Variants in PTF1A observed in about 807,000 individuals in gnomAD.
The protein encoded by PTF1A is pancreas transcription factor 1 subunit alpha.
PTF1A carries 18 observed loss-of-function variants against 22.6 expected under a neutral mutation model. The ratio of observed to expected loss-of-function variants is 0.80; its 90% CI spans 0.55 to 1.18. The LOEUF (loss-of-function observed/expected upper bound fraction) is 1.18, where lower values mean the gene tolerates loss of function less well. Among genes scored for constraint, PTF1A ranks in the 50% most tolerant of loss-of-function variants. PTF1A has a pLI of 0.00. For synonymous variants in PTF1A, 259 were observed against 227.9 expected (o/e 1.14, Z -1.23); for missense variants, 477 against 473.0 (o/e 1.01, Z -0.08).
chr10:23,193,439 C>A, intron 1 of PTF1A, 125 bp downstream of exon 1: 13 of 893,544 alleles, frequency 1.5e-5, no homozygotes, highest in South Asian at 2.0e-5. Context: ...CACGGAAAAA[C>A]TTGAATGCGA....
chr10:23,192,437 G>T lies in PTF1A; in HGVS notation c.-94G>T. The T allele has an allele frequency of 6.5e-7, 1 of 1,536,854 alleles. No homozygotes were observed. The highest frequency in any genetic ancestry group is 2.5e-5 in the East Asian group (1 of 39,310). ...GGCCGCCTAGCTGCCCCCAGCCAGG[G>T]CCCCGGGAGGGAGGGGCTCGGACGG... On this transcript the variant is annotated 5_prime_UTR_variant, in exon 1 of 2. Coordinates refer to ENST00000376504, the MANE Select transcript of PTF1A (RefSeq NM_178161.3).
At position 23,193,054 on chromosome 10, in the gene PTF1A, G is replaced by A. The variant is rs1465898216; in HGVS notation, c.524G>A (p.Arg175His). 7.4e-7 allele frequency: 1 copy of A among 1,352,670 alleles called. No individual in the cohort carries two copies. Among genetic ancestry groups the A allele is most frequent in the Non-Finnish European group, 9.6e-7 (1 of 1,039,828 alleles). The allele number at this position is 1,352,670 out of a possible 1,614,324, so 83.8% of individuals were successfully genotyped here. The change falls in exon 1 of 2, where the codon CGC (arginine) becomes CAC (histidine). Residue 175 changes from arginine (R) to histidine (H), a missense_variant. Transcript: ENST00000376504. ...RQAANVRERR[R>H]MQSINDAFEG... ...GCGGCCAACGTGCGCGAGCGGCGGC[G>A]CATGCAGTCCATCAACGACGCCTTC...
At position 23,192,502 on chromosome 10, in the gene PTF1A, C is replaced by G; in HGVS notation, c.-29C>G. On this transcript the variant is annotated 5_prime_UTR_variant, in exon 1 of 2. Coordinates refer to ENST00000376504, the MANE Select transcript of PTF1A (RefSeq NM_178161.3). ...CCAAGAACTAACACGCGCAGCCCGG[C>G]AGTCCCGCTGCCCACTGCGGCGGCG... is the stretch of plus-strand genomic sequence containing the variant. The G allele has an allele frequency of 6.3e-7, 1 of 1,594,444 alleles. No individual in the cohort carries two copies. The highest frequency in any genetic ancestry group is 1.1e-5 in the South Asian group (1 of 90,366).
intron 1 of PTF1A, 134 bp downstream of exon 1, chr10:23,193,448 G>A (rs1435628214): frequency 7.9e-5 from 70 of 881,904 alleles, no homozygotes; most frequent in Non-Finnish European, 1.1e-4. Flanking sequence ...ACTTGAATGC[G>A]AGCTCGCGTT....
chr10:23,193,194 G>T lies in PTF1A; in HGVS notation c.664G>T (p.Asp222Tyr), dbSNP rs1456962322. Residue 222 changes from aspartate to tyrosine, a missense_variant, in exon 1 of 2, where the codon GAC (aspartate) becomes TAC (tyrosine). By Grantham distance (160) the Asp-to-Tyr change is radical. Coordinates refer to ENST00000376504, the MANE Select transcript of PTF1A (RefSeq NM_178161.3). ...CTTCCTCAGCGAGCTCGTGCAGGCC[G>T]ACCTGCCCTTGCGCGGCGGTGGCGC... The part of the protein sequence containing the change: ...INFLSELVQA[D>Y]LPLRGGGAGG... 2.2e-6 allele frequency: 3 copies of T among 1,355,204 alleles called. No homozygotes were observed. Among genetic ancestry groups the T allele is most frequent in the Admixed American group, 5.1e-5 (2 of 39,580 alleles). The allele number at this position is 1,355,204 out of a possible 1,614,324, so 83.9% of individuals were successfully genotyped here. A position where few individuals can be genotyped will look rare whatever the true frequency, so the allele number is the denominator to read the frequency against.
At position 23,192,755 on chromosome 10, in the gene PTF1A, G is replaced by A; in HGVS notation, c.225G>A (p.Pro75=). 4 of 1,430,726 alleles carry A rather than the reference G, an allele frequency of 2.8e-6. No homozygotes were observed. The highest frequency in any genetic ancestry group is 3.7e-6 in the Non-Finnish European group (4 of 1,091,720). The allele number at this position is 1,430,726 out of a possible 1,614,324, so 88.6% of individuals were successfully genotyped here. The change falls in exon 1 of 2, where the codon CCG becomes CCA. Residue 75 remains proline, a synonymous_variant. Coordinates refer to ENST00000376504, the MANE Select transcript of PTF1A (RefSeq NM_178161.3). ...GCCTGCTGCTGCAGCCCGCGCCCCC[G>A]GCCGCCCCGCTAGCGCTCGCCCCGC... is the stretch of plus-strand genomic sequence containing the variant. ...GACLLLQPAP[P]AAPLALAPPS...
At chr10:23,193,411 C>G (rs971260794) in intron 1 of PTF1A, 97 bp downstream of exon 1, 49 of 1,219,420 alleles carry the variant, frequency 4.0e-5, no homozygotes, top group Admixed American at 3.0e-4. Flanking sequence ...ACAGTCGGAC[C>G]GACGGATTGT....
At position 23,193,090 on chromosome 10, in the gene PTF1A, G is replaced by T. The variant is rs1840914561; in HGVS notation, c.560G>T (p.Arg187Leu). 1 of 1,420,350 alleles carries T rather than the reference G, an allele frequency of 7.0e-7. No homozygotes were observed. The highest frequency in any genetic ancestry group is 9.3e-7 in the Non-Finnish European group (1 of 1,078,674). The allele number at this position is 1,420,350 out of a possible 1,614,324, so 88.0% of individuals were successfully genotyped here. Residue 187 changes from arginine (R) to leucine (L), a missense_variant, in exon 1 of 2, where the codon CGC (arginine) becomes CTC (leucine). Arg to Leu is a moderately radical substitution (Grantham distance 102). Transcript: ENST00000376504. ...ATCAACGACGCCTTCGAGGGGCTGC[G>T]CTCGCACATCCCCACGCTGCCCTAC... is the stretch of plus-strand genomic sequence containing the variant. ...QSINDAFEGL[R>L]SHIPTLPYEK... is the part of the protein sequence containing the mutation.
At chr10:23,193,522 C>G (rs1243370843) in intron 1 of PTF1A, 182 bp from the exon 2 acceptor site, 84 of 717,162 alleles carry the variant, frequency 1.2e-4, no homozygotes, top group Non-Finnish European at 1.4e-5. Flanking sequence ...GGGCGCGCGT[C>G]CCCGCCAGAC....
At chr10:23,193,461 T>C in intron 1 of PTF1A, 147 bp downstream of exon 1, 2 of 769,308 alleles carry the variant, frequency 2.6e-6, no homozygotes, top group Non-Finnish European at 1.9e-6. Flanking sequence ...CTCGCGTTTC[T>C]CGTTTTTTTT....
chr10:23,193,753 A>G lies in PTF1A; in HGVS notation c.834A>G (p.Gly278=). 6.2e-7 allele frequency: 1 copy of G among 1,613,630 alleles called. No individual in the cohort carries two copies. The highest frequency in any genetic ancestry group is 8.5e-7 in the Non-Finnish European group (1 of 1,179,698). Reference sequence around the variant, plus strand: ...ATTATGGCCTCCCTCCCCTAGCAGGACACTCTCTCTCATGGACTGATGAAA... The same window carrying G: ...ATTATGGCCTCCCTCCCCTAGCAGGGCACTCTCTCTCATGGACTGATGAAA... ...DPDYGLPPLA[G]HSLSWTDEKQ... The change falls in exon 2 of 2, where the codon GGA becomes GGG. Residue 278 remains glycine, a synonymous_variant. Transcript: ENST00000376504.
rs1840898892 is a variant in PTF1A, at chr10:23,192,425, C to A, written c.-106C>A. On this transcript the variant is annotated 5_prime_UTR_variant, in exon 1 of 2. Coordinates refer to ENST00000376504, the MANE Select transcript of PTF1A (RefSeq NM_178161.3). ...GGGCAGCCCGGCGGCCGCCTAGCTG[C>A]CCCCAGCCAGGGCCCCGGGAGGGAG... The A allele has an allele frequency of 6.7e-7, 1 of 1,493,844 alleles. No individual in the cohort carries two copies. The highest frequency in any genetic ancestry group is 8.9e-7 in the Non-Finnish European group (1 of 1,119,066). 92.5% of individuals were successfully genotyped at this position (1,493,844 alleles called of 1,614,324 possible).
Position 23,193,988 on chromosome 10 carries a change from A to T in PTF1A, c.*82A>T. 1.7e-6 allele frequency: 2 copies of T among 1,203,524 alleles called. No individual in the cohort carries two copies. The highest frequency in any genetic ancestry group is 2.5e-6 in the Non-Finnish European group (2 of 811,136). 74.6% of individuals were successfully genotyped at this position (1,203,524 alleles called of 1,614,324 possible). On this transcript the variant is annotated 3_prime_UTR_variant, in exon 2 of 2. Transcript: ENST00000376504. ...AATATCTATAATGTAAATGTAATTTAAGAATCAAATTTTTCGAATGGCAAT... is the reference window on the plus strand; with the variant it reads ...AATATCTATAATGTAAATGTAATTTTAGAATCAAATTTTTCGAATGGCAAT...
Position 23,193,959 on chromosome 10 carries a change from T to C in PTF1A, c.*53T>C. Reference sequence around the variant, plus strand: ...ATTATGTCTCTGTGCATATTGTACATGTAAATATCTATAATGTAAATGTAA... The same window carrying C: ...ATTATGTCTCTGTGCATATTGTACACGTAAATATCTATAATGTAAATGTAA... On this transcript the variant is annotated 3_prime_UTR_variant, in exon 2 of 2. Coordinates refer to ENST00000376504, the MANE Select transcript of PTF1A (RefSeq NM_178161.3). The C allele has an allele frequency of 7.6e-7, 1 of 1,318,112 alleles. No homozygotes were observed. The highest frequency in any genetic ancestry group is 1.2e-5 in the South Asian group (1 of 85,058). 81.7% of individuals were successfully genotyped at this position (1,318,112 alleles called of 1,614,324 possible). A position where few individuals can be genotyped will look rare whatever the true frequency, so the allele number is the denominator to read the frequency against.
chr10:23,193,555 G>A (rs1385330981), intron 1 of PTF1A, 149 bp from the exon 2 acceptor site: 2 of 804,922 alleles, frequency 2.5e-6, no homozygotes, highest in African/African-American at 3.4e-5. Flanking sequence ...GGATTCCTGG[G>A]AGGGGACGGT....
chr10:23,192,707 G>A lies in PTF1A; in HGVS notation c.177G>A (p.Glu59=), dbSNP rs1840906989. ...AGTTCCTTAGCCACCAGCTCCACGA[G>A]TACTGCTACCGCGACGGGGCGTGCC... ...EVEFLSHQLH[E]YCYRDGACLL... The change falls in exon 1 of 2, where the codon GAG becomes GAA. Residue 59 remains glutamate (E), a synonymous_variant. Transcript: ENST00000376504. The A allele has an allele frequency of 1.3e-6, 2 of 1,574,816 alleles. No individual in the cohort carries two copies. The highest frequency in any genetic ancestry group is 2.8e-5 in the African/African-American group (2 of 71,924).
Position 23,192,621 on chromosome 10 carries a change from T to C in PTF1A, c.91T>C (p.Ser31Pro), listed in dbSNP as rs1840902757. 1.2e-6 allele frequency: 2 copies of C among 1,602,696 alleles called. No individual in the cohort carries two copies. The highest frequency in any genetic ancestry group is 1.7e-5 in the Admixed American group (1 of 59,188). ...CGAGGACGACTTCTTCACCGACCAGTCTTCACGGGACCCCCTGGAGGACGG... is the reference window on the plus strand; with the variant it reads ...CGAGGACGACTTCTTCACCGACCAGCCTTCACGGGACCCCCTGGAGGACGG... ...FDEDDFFTDQ[S>P]SRDPLEDGDE... The change falls in exon 1 of 2, where the codon TCT becomes CCT. Residue 31 changes from serine (S) to proline (P), a missense_variant. By Grantham distance (74) the Ser-to-Pro change is moderately conservative. Transcript: ENST00000376504.
chr10:23,192,868 A>C lies in PTF1A; in HGVS notation c.338A>C (p.Tyr113Ser). ...ETGAPPGGFPYSPGSPPSCLA... is the reference protein window; with the variant it reads ...ETGAPPGGFPSSPGSPPSCLA... ...GGGGCGCCCCCAGGCGGCTTCCCCTACTCGCCCGGCTCGCCGCCCTCGTGC... is the reference window on the plus strand; with the variant it reads ...GGGGCGCCCCCAGGCGGCTTCCCCTCCTCGCCCGGCTCGCCGCCCTCGTGC... The change falls in exon 1 of 2, where the codon TAC becomes TCC. Residue 113 changes from tyrosine (Y) to serine (S), a missense_variant. Transcript: ENST00000376504. 1 of 1,316,120 alleles carries C rather than the reference A, an allele frequency of 7.6e-7. No individual in the cohort carries two copies. The highest frequency in any genetic ancestry group is 2.2e-5 in the South Asian group (1 of 45,116). The allele number at this position is 1,316,120 out of a possible 1,614,324, so 81.5% of individuals were successfully genotyped here.
In PTF1A at chr10:23,192,983, C is replaced by CCGG. The variant is rs1840912720; in HGVS notation, c.460_462dup (p.Arg154dup). 8.8e-7 allele frequency: 1 copy of CCGG among 1,134,700 alleles called. No individual in the cohort carries two copies. The highest frequency in any genetic ancestry group is 4.9e-5 in the Admixed American group (1 of 20,398). 70.3% of individuals were successfully genotyped at this position (1,134,700 alleles called of 1,614,324 possible). On this transcript the variant is annotated inframe_insertion, in exon 1 of 2. Coordinates refer to ENST00000376504, the MANE Select transcript of PTF1A (RefSeq NM_178161.3). ...GAGCGGCGGCTGCGGCGGCGCGGCG[C>CCGG]CGGCGGCGGGTGCGCTCCGAGGCGG... is the stretch of plus-strand genomic sequence containing the variant.
Sources: allele counts gnomAD v4.1 joint callset, GRCh38; gene constraint gnomAD v4.1.1; transcripts MANE v1.5; gene names NCBI Gene and HGNC (gene_info 2026-07-23, HGNC 2026-07-21).